Variants in MITF observed in about 807,000 individuals in gnomAD.
MITF encodes melanocyte inducing transcription factor, also known as microphthalmia-associated transcription factor.
In MITF, 17 loss-of-function variants were observed where a neutral mutation model predicts 60.5. The observed-to-expected ratio is 0.28, with a 90% CI of 0.19 to 0.42. The LOEUF is 0.42. MITF is among the 10% of genes least tolerant of loss of function. The pLI, the probability that MITF is intolerant of heterozygous loss-of-function variation, is 1.00. For synonymous variants in MITF, 260 were observed against 248.5 expected, an observed-to-expected ratio of 1.05 and a Z score of -0.43; for missense variants, 622 against 683.5, an observed-to-expected ratio of 0.91 and a Z score of 1.00.
rs1199653363 is a variant in MITF at position 69,966,008 on chromosome 3, G to A, written c.*760G>A. 4.3e-6 allele frequency: 1 copy of A among 231,898 alleles called. No homozygotes were observed. The highest frequency in any genetic ancestry group is 6.1e-5 in the East Asian group (1 of 16,304). 14.4% of individuals were successfully genotyped at this position (231,898 alleles called of 1,614,324 possible). ...TTCATAAGATATTTTATTTTGAAAT[G>A]GAAATTAATGTCCTCTCAAAGTAAA... On this transcript the variant is annotated 3_prime_UTR_variant, in exon 10 of 10. Transcript: ENST00000352241.
intron 2 of MITF, among the ~76,000 whole-genome samples, chr3:69,905,329 T>G (rs1180413270): frequency 6.6e-6 from 1 of 152,166 alleles, no homozygotes; most frequent in Non-Finnish European, 1.5e-5. Flanking sequence ...TCCTTTATAT[T>G]GCCAACTGTA....
Position 69,831,746 on chromosome 3 carries a change from C to G in MITF, c.105-47388C>G, listed in dbSNP as rs566936221. ...TCAGCAAATACTTATTAAGTATATA[C>G]ATGGGAGATTATTTGAAGAGCAGAA... is the stretch of plus-strand genomic sequence containing the variant. On this transcript the variant is annotated intron_variant, in intron 1 of 9. Transcript: ENST00000352241. Among the ~76,000 whole-genome samples the G allele has an allele frequency of 5.3e-5, 8 of 152,224 alleles. No individual in the cohort carries two copies. In the South Asian group the frequency reaches 1.5e-3, roughly 28 times the overall value.
intron 7 of MITF, among the ~76,000 whole-genome samples, chr3:69,953,629 GTA>G (rs56046640): frequency 0.33 from 46,592 of 141,468 alleles, 8,148 homozygotes; most frequent in African/African-American, 0.49. Context: ...ATATATGTGT[GTA>G]TATATATATA....
In MITF at chr3:69,740,390, G is replaced by A. The variant is rs139211304; in HGVS notation, c.104+689G>A. 1.1e-3 allele frequency among the ~76,000 whole-genome samples: 171 copies of A among 152,336 alleles called. 1 individual carries two copies. Among genetic ancestry groups the A allele is most frequent in the Non-Finnish European group, 1.9e-3 (132 of 68,036 alleles). On this transcript the variant is annotated intron_variant, in intron 1 of 9. Coordinates refer to ENST00000352241, the MANE Select transcript of MITF (RefSeq NM_001354604.2). ...CAAATCCAGGCCTTACCTGCAGAGG[G>A]GAAATGAGCCTTGGTCTTGGGGGTT...
At chr3:69,846,135 CT>C (rs3044615) in intron 1 of MITF, among the ~76,000 whole-genome samples, 35,234 of 146,982 alleles carry the variant, frequency 0.24, 5,100 homozygotes, top group African/African-American at 0.42. Flanking sequence ...CTGCCTAGGG[CT>C]TTTTTTTTTT....
chr3:69,940,881 C>G (rs992440904), intron 4 of MITF, among the ~76,000 whole-genome samples: 5 of 152,162 alleles, frequency 3.3e-5, no homozygotes, highest in African/African-American at 1.2e-4. Flanking sequence ...TTTGGGCAAG[C>G]TGCTTCTCAT....
chr3:69,742,587 G>A (rs9869047), intron 1 of MITF, among the ~76,000 whole-genome samples: 34,234 of 151,930 alleles, frequency 0.23, 4,307 homozygotes, highest in East Asian at 0.57. Context: ...TCCACCACTG[G>A]GCATTTTTAT....
intron 1 of MITF, among the ~76,000 whole-genome samples, chr3:69,819,308 A>T (rs1032221426): frequency 1.3e-5 from 2 of 152,198 alleles, no homozygotes; most frequent in African/African-American, 4.8e-5. Context: ...ATGGTAACTA[A>T]TTTAAGCCCT....
chr3:69,803,576 C>T (rs1425146296), intron 1 of MITF, among the ~76,000 whole-genome samples: 2 of 151,918 alleles, frequency 1.3e-5, no homozygotes, highest in Non-Finnish European at 2.9e-5. Context: ...AAAATAAAGC[C>T]TTGACATATT....
chr3:69,964,817 T>A, intron 9 of MITF, 30 bp from the exon 10 acceptor site: 1 of 1,611,098 alleles, frequency 6.2e-7, no homozygotes, highest in Non-Finnish European at 8.5e-7. Flanking sequence ...CTCTGCCTAT[T>A]TCAGTGTTTT....
chr3:69,952,967 A>G (rs1009164470), intron 7 of MITF, among the ~76,000 whole-genome samples: 2 of 152,166 alleles, frequency 1.3e-5, no homozygotes, highest in South Asian at 2.1e-4. Context: ...GTTTTTTCCT[A>G]TCATAAGCAA....
intron 1 of MITF, among the ~76,000 whole-genome samples, chr3:69,875,502 T>C (rs1201360279): frequency 6.6e-6 from 1 of 152,232 alleles, no homozygotes; most frequent in Non-Finnish European, 1.5e-5. Flanking sequence ...ATAATCTGAT[T>C]AAAAGGAATC....
chr3:69,937,807 C>T lies in MITF; in HGVS notation c.355-15C>T, dbSNP rs1428665726. 3.7e-6 allele frequency: 6 copies of T among 1,610,614 alleles called. No homozygotes were observed. Among genetic ancestry groups the T allele is most frequent in the Non-Finnish European group, 5.1e-6 (6 of 1,176,972 alleles). ...TAACAGCGCTGTTTTCTTTTCCCTC[C>T]ATGGCTATGTTCAGGTGCAGACCCA... On this transcript the variant is annotated splice_polypyrimidine_tract_variant and intron_variant, in intron 2 of 9. Coordinates refer to ENST00000352241, the MANE Select transcript of MITF (RefSeq NM_001354604.2).
In MITF at chr3:69,810,890, C is replaced by T. The variant is rs2106995939; in HGVS notation, c.105-68244C>T. On this transcript the variant is annotated intron_variant, in intron 1 of 9. Coordinates refer to ENST00000352241, the MANE Select transcript of MITF (RefSeq NM_001354604.2). The stretch of plus-strand genomic sequence containing the variant: ...AATGCATGATAGATGATCAATAAAT[C>T]ATAGCTCTAATTGTCACTACCTAAA... 2.0e-5 allele frequency among the ~76,000 whole-genome samples: 3 copies of T among 152,276 alleles called. No homozygotes were observed. In the South Asian group the frequency reaches 6.2e-4, roughly 32 times the overall value.
intron 2 of MITF, among the ~76,000 whole-genome samples, chr3:69,885,923 T>G (rs529112227): frequency 6.6e-6 from 1 of 152,264 alleles, no homozygotes; most frequent in South Asian, 2.1e-4. Flanking sequence ...GAACTTTACC[T>G]GTATTGACTC....
intron 2 of MITF, among the ~76,000 whole-genome samples, chr3:69,905,304 G>A (rs896735570): frequency 1.4e-4 from 21 of 152,004 alleles, no homozygotes; most frequent in Admixed American, 3.3e-4. Context: ...TTTGTGGCAC[G>A]TATCAATATC....
At chr3:69,889,892 A>G (rs2064719367) in intron 2 of MITF, among the ~76,000 whole-genome samples, 1 of 152,154 alleles carries the variant, frequency 6.6e-6, no homozygotes, top group African/African-American at 2.4e-5. Context: ...CTCAGCAGCC[A>G]CACGTGGTCT....
intron 9 of MITF, among the ~76,000 whole-genome samples, chr3:69,960,857 C>T (rs1355066937): frequency 2.0e-5 from 3 of 152,126 alleles, no homozygotes; most frequent in Non-Finnish European, 2.9e-5. Flanking sequence ...TGAAATGCCA[C>T]ATCTCTCATT....
intron 1 of MITF, among the ~76,000 whole-genome samples, chr3:69,761,762 A>T (rs1005599876): frequency 3.3e-5 from 5 of 152,236 alleles, no homozygotes; most frequent in African/African-American, 4.8e-5. Flanking sequence ...GTAGGAAAAG[A>T]TGGGATGGTG....
Sources: gnomAD v4.1 joint callset for allele counts (sites outside exome capture counted in the v4.1 genomes callset) on GRCh38, gnomAD v4.1.1 for gene constraint, MANE v1.5 for transcripts, NCBI Gene and HGNC (gene_info 2026-07-23, HGNC 2026-07-21) for gene names.